COL25A1: variants seen among roughly 807,000 people sequenced by gnomAD.
The protein encoded by COL25A1 is collagen type XXV alpha 1 chain.
Under a neutral mutation model 128.4 loss-of-function variants are expected in COL25A1, and 103 were observed. The observed-to-expected ratio is 0.80, with a 90% CI of 0.68 to 0.94. The LOEUF (loss-of-function observed/expected upper bound fraction) is 0.94. Ranked by LOEUF, COL25A1 falls within the 40% of genes least tolerant of loss-of-function variation. The pLI, the probability that COL25A1 is intolerant of heterozygous loss-of-function variation, is 0.00. For missense variants in COL25A1, 745 were observed against 840.0 expected, an observed-to-expected ratio of 0.89 and a Z score of 1.40; for synonymous variants, 279 against 277.2, an observed-to-expected ratio of 1.01 and a Z score of -0.06.
Position 108,886,492 on chromosome 4 carries a change from G to GTGTGTGTGTT in COL25A1, c.976-2271_976-2270insAACACACACA, listed in dbSNP as rs58157157. 1.8e-3 allele frequency among the ~76,000 whole-genome samples: 202 copies of GTGTGTGTGTT among 109,266 alleles called. 6 individuals carry two copies. Among genetic ancestry groups the GTGTGTGTGTT allele is most frequent in the South Asian group, 5.8e-3 (22 of 3,776 alleles). 71.7% of individuals were successfully genotyped at this position (109,266 alleles called of 152,430 possible). A position where few individuals can be genotyped will look rare whatever the true frequency, so the allele number is the denominator to read the frequency against. On this transcript the variant is annotated intron_variant, in intron 18 of 37. Transcript: ENST00000399132. ...TGTGTGTGTGTGTGTGTGTGTGTGT[G>GTGTGTGTGTT]TTTAGCTCATCAGCTATTTTATGTG...
chr4:108,830,265 A>C (rs1234106804), intron 32 of COL25A1, among the ~76,000 whole-genome samples: 4 of 152,228 alleles, frequency 2.6e-5, no homozygotes, highest in African/African-American at 9.6e-5. Context: ...AAATCAGCTA[A>C]GGTAGGGAGG....
At chr4:108,837,652 A>G (rs1578497528) in intron 31 of COL25A1, among the ~76,000 whole-genome samples, 1 of 152,136 alleles carries the variant, frequency 6.6e-6, no homozygotes, top group African/African-American at 2.4e-5. Context: ...CATTGACCTC[A>G]CTCCATCAAC....
chr4:108,998,005 C>T (rs1051930707), intron 6 of COL25A1, among the ~76,000 whole-genome samples: 1 of 152,054 alleles, frequency 6.6e-6, no homozygotes, highest in Non-Finnish European at 1.5e-5. Context: ...ATGACAAACC[C>T]ACAGGCAATA....
At chr4:109,014,124 T>C (rs538480170) in intron 5 of COL25A1, among the ~76,000 whole-genome samples, 3 of 152,100 alleles carry the variant, frequency 2.0e-5, no homozygotes, top group African/African-American at 4.8e-5. Flanking sequence ...CTGGCAAATA[T>C]GGTGAAACCC....
At chr4:109,267,240 T>G (rs535130764) in intron 3 of COL25A1, among the ~76,000 whole-genome samples, 1 of 152,230 alleles carries the variant, frequency 6.6e-6, no homozygotes, top group African/African-American at 2.4e-5. Flanking sequence ...TGAGCACTAG[T>G]GACAAATAAT....
chr4:109,269,304 T>C (rs1161568851), intron 3 of COL25A1, among the ~76,000 whole-genome samples: 4 of 151,502 alleles, frequency 2.6e-5, no homozygotes, highest in Non-Finnish European at 4.4e-5. Flanking sequence ...GGTGTATATA[T>C]GCCACATTTT....
intron 3 of COL25A1, among the ~76,000 whole-genome samples, chr4:109,270,661 T>G (rs1368345220): frequency 6.6e-6 from 1 of 152,140 alleles, no homozygotes. Context: ...GTTACTCTGA[T>G]CTCATATTTT....
At chr4:108,830,734 T>C (rs1469298284) in intron 32 of COL25A1, among the ~76,000 whole-genome samples, 1 of 152,270 alleles carries the variant, frequency 6.6e-6, no homozygotes, top group Non-Finnish European at 1.5e-5. Context: ...TGTGACATTG[T>C]GGAGCTATCG....
At chr4:109,302,096 CGATTCCTCCAAA>C in intron 1 of COL25A1, 21 bp from the exon 2 acceptor site, 1 of 1,470,678 alleles carries the variant, frequency 6.8e-7, no homozygotes, top group South Asian at 1.4e-5. Flanking sequence ...AGAAAAAGGT[CGATTCCTCCAAA>C]GTTCAGTCCC....
intron 27 of COL25A1, among the ~76,000 whole-genome samples, chr4:108,846,815 G>A (rs1466431429): frequency 6.6e-6 from 1 of 152,020 alleles, no homozygotes; most frequent in Non-Finnish European, 1.5e-5. Flanking sequence ...ATGTCTCTAT[G>A]AGATGAGTCA....
chr4:109,049,857 GACTTA>G (rs1412411989), intron 4 of COL25A1, among the ~76,000 whole-genome samples: 2 of 152,182 alleles, frequency 1.3e-5, no homozygotes, highest in Non-Finnish European at 2.9e-5. Flanking sequence ...AGAAAGGACA[GACTTA>G]ACTTGACCCA....
In COL25A1 at chr4:108,810,511, C is replaced by T. The variant is rs1363869125; in HGVS notation, c.*3416G>A. On this transcript the variant is annotated 3_prime_UTR_variant, in exon 38 of 38. Transcript: ENST00000399132. ...AAAAAATCCTCCAAGACTGCTTTTGCTAATGAAAAACAAAAACTGAAAGAA... is the reference window on the plus strand; with the variant it reads ...AAAAAATCCTCCAAGACTGCTTTTGTTAATGAAAAACAAAAACTGAAAGAA... 2.0e-5 allele frequency: 3 copies of T among 151,858 alleles called. No homozygotes were observed. The highest frequency in any genetic ancestry group is 4.4e-5 in the Non-Finnish European group (3 of 67,830). The allele number at this position is 151,858 out of a possible 1,614,324, so 9.4% of individuals were successfully genotyped here.
chr4:109,111,384 A>T (rs3113724), intron 3 of COL25A1, among the ~76,000 whole-genome samples: 32,774 of 151,982 alleles, frequency 0.22, 4,245 homozygotes, highest in East Asian at 0.39. Flanking sequence ...TTATATGTAG[A>T]CCTATATCTA....
chr4:108,863,425 C>G, intron 20 of COL25A1, 38 bp from the exon 21 acceptor site: 1 of 1,558,724 alleles, frequency 6.4e-7, no homozygotes, highest in Non-Finnish European at 8.7e-7. Flanking sequence ...GGTCATTCCC[C>G]CCACCCAGGC....
intron 23 of COL25A1, among the ~76,000 whole-genome samples, chr4:108,860,099 A>T (rs984395030): frequency 6.6e-6 from 1 of 152,052 alleles, no homozygotes; most frequent in Admixed American, 6.6e-5. Context: ...CCTCATCCAT[A>T]CCTCATACAT....
At chr4:109,090,011 C>G (rs1764758587) in intron 3 of COL25A1, among the ~76,000 whole-genome samples, 1 of 151,432 alleles carries the variant, frequency 6.6e-6, no homozygotes, top group African/African-American at 2.4e-5. Context: ...TTTGAGTTTA[C>G]CAAATTCAGT....
Position 108,813,871 on chromosome 4 carries a change from A to G in COL25A1, c.*56T>C. ...AATCTGCAATTCAGTTTTCAACTAT[A>G]AATATTAAAAATGGACCCTTATATA... On this transcript the variant is annotated 3_prime_UTR_variant, in exon 38 of 38. Coordinates refer to ENST00000399132, the MANE Select transcript of COL25A1 (RefSeq NM_198721.4). 4 of 1,384,444 alleles carry G rather than the reference A, an allele frequency of 2.9e-6. No homozygotes were observed. Among genetic ancestry groups the G allele is most frequent in the Non-Finnish European group, 4.0e-6 (4 of 991,420 alleles). 85.8% of individuals were successfully genotyped at this position (1,384,444 alleles called of 1,614,324 possible). A position where few individuals can be genotyped will look rare whatever the true frequency, so the allele number is the denominator to read the frequency against.
intron 8 of COL25A1, among the ~76,000 whole-genome samples, chr4:108,961,430 A>C (rs989724411): frequency 6.6e-5 from 10 of 152,234 alleles, no homozygotes; most frequent in African/African-American, 2.4e-4. Flanking sequence ...TAATATAAGA[A>C]GTAATTCATA....
chr4:109,071,875 T>C (rs1447328772), intron 3 of COL25A1, among the ~76,000 whole-genome samples: 1 of 152,332 alleles, frequency 6.6e-6, no homozygotes, highest in African/African-American at 2.4e-5. Flanking sequence ...TCAACCATCG[T>C]GGAAGACAGT....
Sources: allele counts gnomAD v4.1 joint callset (sites outside exome capture counted in the v4.1 genomes callset), GRCh38; gene constraint gnomAD v4.1.1; transcripts MANE v1.5; gene names NCBI Gene and HGNC (gene_info 2026-07-23, HGNC 2026-07-21).